Variants in SPRY3 observed in about 807,000 individuals in gnomAD.
SPRY3 encodes protein sprouty homolog 3.
Under a neutral mutation model 20.2 loss-of-function variants are expected in SPRY3, and 15 were observed. That is an observed-to-expected ratio of 0.74 (90% CI 0.50 to 1.14). The LOEUF (loss-of-function observed/expected upper bound fraction) is 1.14, where lower values mean the gene tolerates loss of function less well. Among genes scored for constraint, SPRY3 ranks in the 50% most tolerant of loss-of-function variants. The probability of loss-of-function intolerance (pLI) is 0.00; values close to 1 mark genes in which losing one functional copy is unlikely to be tolerated. For missense variants in SPRY3, 364 were observed against 363.9 expected (o/e 1.00, Z 0.00); for synonymous variants, 143 against 136.5 (o/e 1.05, Z -0.33).
At chrX:155,636,593 GTATGTAC>G (rs1557351051) in intron 1 of SPRY3, among the ~76,000 whole-genome samples, 5 of 109,936 alleles carry the variant, frequency 4.5e-5, no homozygotes, top group Non-Finnish European at 9.5e-5. Flanking sequence ...ATGTATGTAT[GTATGTAC>G]GTATTATATA....
At chrX:155,705,535 A>T (rs939470584) in intron 2 of SPRY3, among the ~76,000 whole-genome samples, 2 of 151,416 alleles carry the variant, frequency 1.3e-5, no homozygotes, top group African/African-American at 4.8e-5. Context: ...TTAAGTGTAA[A>T]TATTCTGAAG....
chrX:155,733,606 T>G (rs2091149205), intron 2 of SPRY3, among the ~76,000 whole-genome samples: 1 of 152,008 alleles, frequency 6.6e-6, no homozygotes, highest in African/African-American at 2.4e-5. Flanking sequence ...TGGCTTCAAC[T>G]TAATATCACC....
chrX:155,644,859 G>C (rs1404097982), intron 1 of SPRY3, among the ~76,000 whole-genome samples: 1 of 111,256 alleles, frequency 9.0e-6, no homozygotes, highest in African/African-American at 3.3e-5. Flanking sequence ...TACCTAAGGT[G>C]CAAGACAAGT....
At chrX:155,616,551 C>T (rs2067854742) in intron 1 of SPRY3, among the ~76,000 whole-genome samples, 1 of 110,885 alleles carries the variant, frequency 9.0e-6, no homozygotes, top group Non-Finnish European at 1.9e-5. Flanking sequence ...CAAAAATAAT[C>T]CCAAAAGTGC....
At chrX:155,724,234 G>A (rs2091082570) in intron 2 of SPRY3, among the ~76,000 whole-genome samples, 1 of 152,098 alleles carries the variant, frequency 6.6e-6, no homozygotes, top group Non-Finnish European at 1.5e-5. Context: ...CTCCAGCTTT[G>A]TTCTTTTGGC....
At chrX:155,667,171 GA>G (rs2068027044) in intron 2 of SPRY3, among the ~76,000 whole-genome samples, 1 of 111,365 alleles carries the variant, frequency 9.0e-6, no homozygotes, top group Non-Finnish European at 1.9e-5. Flanking sequence ...CAGATAAAAT[GA>G]ACAAAACAAA....
chrX:155,778,240 T>C (rs980054295), downstream of SPRY3: 12 of 167,158 alleles, frequency 7.2e-5, no homozygotes, highest in Admixed American at 7.2e-4. Flanking sequence ...AAGCCTCAAA[T>C]GGTGAATAAT....
At chrX:155,741,399 G>T (rs766755003) in intron 2 of SPRY3, among the ~76,000 whole-genome samples, 1 of 152,040 alleles carries the variant, frequency 6.6e-6, no homozygotes, top group African/African-American at 2.4e-5. Flanking sequence ...AAAGAGATGC[G>T]GAGAACAGAA....
chrX:155,671,032 G>A (rs782680362), intron 2 of SPRY3, among the ~76,000 whole-genome samples: 1 of 111,607 alleles, frequency 9.0e-6, no homozygotes, highest in South Asian at 3.8e-4. Context: ...GCCATACAAT[G>A]TGACATTTAT....
chrX:155,755,642 G>A (rs1173833909), intron 2 of SPRY3, among the ~76,000 whole-genome samples: 2 of 152,056 alleles, frequency 1.3e-5, no homozygotes, highest in Non-Finnish European at 2.9e-5. Context: ...ATGCAAGGAT[G>A]TCATTAATAT....
intron 2 of SPRY3, among the ~76,000 whole-genome samples, chrX:155,747,868 A>G (rs1386904174): frequency 6.6e-6 from 1 of 151,830 alleles, no homozygotes. Flanking sequence ...TCGGCCATGG[A>G]CTTTTGTAAA....
chrX:155,746,914 C>A (rs1404295414), intron 2 of SPRY3, among the ~76,000 whole-genome samples: 1 of 151,878 alleles, frequency 6.6e-6, no homozygotes, highest in Non-Finnish European at 1.5e-5. Context: ...CTATATGTTT[C>A]TATTTCTGTC....
rs751420307 is a variant in SPRY3 at position 155,774,501 on chromosome X, C to T, written c.630C>T (p.Pro210=). 8 of 1,613,902 alleles carry T rather than the reference C, an allele frequency of 5.0e-6. No homozygotes were observed. In the African/African-American group the frequency reaches 6.7e-5, roughly 13 times the overall value. ...ATGAAGACAACTGTGCTGATGAGCC[C>T]TGCTCTTGTGGGCCTAGTTCTTGCT... is the stretch of plus-strand genomic sequence containing the variant. The change falls in exon 4 of 4, where the codon CCC becomes CCT. Residue 210 remains proline (P), a synonymous_variant. Coordinates refer to ENST00000675360, the Ensembl canonical transcript of SPRY3.
intron 1 of SPRY3, among the ~76,000 whole-genome samples, chrX:155,624,982 AAC>A (rs782481978): frequency 3.3e-4 from 37 of 111,985 alleles, no homozygotes; most frequent in African/African-American, 1.1e-3. Flanking sequence ...GCAAAAATGA[AAC>A]ACAGAATAGT....
chrX:155,716,267 A>G (rs1424065335), intron 2 of SPRY3, among the ~76,000 whole-genome samples: 2 of 152,140 alleles, frequency 1.3e-5, no homozygotes, highest in African/African-American at 4.8e-5. Flanking sequence ...GAACCCATTT[A>G]CAGCAGTTTT....
intron 1 of SPRY3, among the ~76,000 whole-genome samples, chrX:155,623,343 A>G (rs1262510962): frequency 1.8e-5 from 2 of 111,738 alleles, no homozygotes; most frequent in African/African-American, 6.5e-5. Context: ...GAAAGTCCAC[A>G]TTTTTTTCAA....
intron 1 of SPRY3, among the ~76,000 whole-genome samples, chrX:155,637,248 G>A (rs1177784334): frequency 9.0e-6 from 1 of 110,686 alleles, no homozygotes; most frequent in Non-Finnish European, 1.9e-5. Flanking sequence ...GTGTATAGAA[G>A]TGAAGATACA....
At chrX:155,772,216 AG>A (rs1400521523) in intron 3 of SPRY3, among the ~76,000 whole-genome samples, 1 of 152,212 alleles carries the variant, frequency 6.6e-6, no homozygotes, top group Non-Finnish European at 1.5e-5. Context: ...AATCTTTTCA[AG>A]TAATGAGCAG....
chrX:155,621,130 A>G (rs2067869706), intron 1 of SPRY3, among the ~76,000 whole-genome samples: 1 of 112,038 alleles, frequency 8.9e-6, no homozygotes, highest in Non-Finnish European at 1.9e-5. Context: ...AGTCAGTATG[A>G]GTGCAAGAAT....
Sources: allele counts gnomAD v4.1 joint callset (sites outside exome capture counted in the v4.1 genomes callset), GRCh38; gene constraint gnomAD v4.1.1; transcripts MANE v1.5; gene names NCBI Gene and HGNC (gene_info 2026-07-23, HGNC 2026-07-21).